TXNDC17: variants seen among roughly 807,000 people sequenced by gnomAD.
The protein encoded by TXNDC17 is thioredoxin domain containing 17.
TXNDC17 carries 12 observed loss-of-function variants against 16.3 expected under a neutral mutation model. The ratio of observed to expected loss-of-function variants is 0.74; its 90% CI spans 0.47 to 1.19. The LOEUF (loss-of-function observed/expected upper bound fraction) is 1.19, where lower values mean the gene tolerates loss of function less well. Ranked by LOEUF, TXNDC17 falls within the 50% of genes most tolerant of loss-of-function variation. TXNDC17 has a pLI of 0.00. For synonymous variants in TXNDC17, 62 were observed against 55.0 expected (o/e 1.13, Z -0.56); for missense variants, 158 against 149.7 (o/e 1.06, Z -0.29).
intron 1 of TXNDC17, 127 bp downstream of exon 1, chr17:6,641,354 C>T (rs1972660044): frequency 2.2e-6 from 3 of 1,352,370 alleles, no homozygotes; most frequent in Non-Finnish European, 2.0e-6. Context: ...CTGAGCTGTC[C>T]CCAAGTCTCC....
Position 6,644,269 on chromosome 17 carries a change from AC to A in TXNDC17, c.*1251del. On this transcript the variant is annotated 3_prime_UTR_variant, in exon 4 of 4. Coordinates refer to ENST00000250101, the MANE Select transcript of TXNDC17 (RefSeq NM_032731.4). ...AAAAAGAAAAACACCTTACAAATCC[AC>A]AGGGAAATCAAAGAACAATTCAGGT... 1.7e-6 allele frequency: 1 copy of A among 593,574 alleles called. No individual in the cohort carries two copies. Among genetic ancestry groups the A allele is most frequent in the Non-Finnish European group, 2.6e-6 (1 of 378,362 alleles). 36.8% of individuals were successfully genotyped at this position (593,574 alleles called of 1,614,324 possible). A position where few individuals can be genotyped will look rare whatever the true frequency, so the allele number is the denominator to read the frequency against.
chr17:6,644,521 G>T lies in TXNDC17; in HGVS notation c.*1502G>T. The T allele has an allele frequency of 6.2e-7, 1 of 1,611,442 alleles. No individual in the cohort carries two copies. The highest frequency in any genetic ancestry group is 8.5e-7 in the Non-Finnish European group (1 of 1,179,362). ...GCTGCTCTGCCAAGGCTTGCTGAAG[G>T]CGCATCCGCTTCCGGGAATAGTGCT... On this transcript the variant is annotated 3_prime_UTR_variant, in exon 4 of 4. Coordinates refer to ENST00000250101, the MANE Select transcript of TXNDC17 (RefSeq NM_032731.4).
At chr17:6,641,591 T>C (rs1477321031) in intron 1 of TXNDC17, 162 bp from the exon 2 acceptor site, 13 of 740,080 alleles carry the variant, frequency 1.8e-5, no homozygotes, top group Non-Finnish European at 3.0e-5. Context: ...AACGTGGCTC[T>C]AAGACCAGAA....
chr17:6,642,973 AGT>A lies in TXNDC17; in HGVS notation c.329_330del (p.Cys110SerfsTer12), dbSNP rs1972714760. The A allele has an allele frequency of 6.2e-7, 1 of 1,613,888 alleles. No homozygotes were observed. The highest frequency in any genetic ancestry group is 8.5e-7 in the Non-Finnish European group (1 of 1,179,898). ...CAGCCTCAAAAACTGGTAGAATCTG[AGT>A]GTCTTCAGGCCAACCTGGTGGAAAT... On this transcript the variant is annotated frameshift_variant, in exon 4 of 4. Transcript: ENST00000250101. LOFTEE classifies it high-confidence loss of function.
chr17:6,641,584 G>T (rs1488194998), intron 1 of TXNDC17, 169 bp from the exon 2 acceptor site: 30 of 708,764 alleles, frequency 4.2e-5, no homozygotes, highest in Admixed American at 7.3e-5. Context: ...TACCCTTAAC[G>T]TGGCTCTAAG....
chr17:6,643,304 T>C lies in TXNDC17; in HGVS notation c.*285T>C, dbSNP rs563232527. On this transcript the variant is annotated 3_prime_UTR_variant, in exon 4 of 4. Transcript: ENST00000250101. ...AACTCCTAAAGGTGCAGAGCACACC[T>C]TCCAAATCTCTCAAAAGATCAGTAT... 1.1e-5 allele frequency: 3 copies of C among 273,420 alleles called. No individual in the cohort carries two copies. In the South Asian group the frequency reaches 2.2e-4, roughly 20 times the overall value. The allele number at this position is 273,420 out of a possible 1,614,324, so 16.9% of individuals were successfully genotyped here.
rs759023557 is a variant in TXNDC17 at position 6,644,353 on chromosome 17, C to T, written c.*1334C>T. On this transcript the variant is annotated 3_prime_UTR_variant, in exon 4 of 4. Coordinates refer to ENST00000250101, the MANE Select transcript of TXNDC17 (RefSeq NM_032731.4). The stretch of plus-strand genomic sequence containing the variant: ...TGGATGAAAAAGCACACTAAAGGTT[C>T]TAGGGGCTACCATAATAAAGGTAGA... 1 of 1,275,498 alleles carries T rather than the reference C, an allele frequency of 7.8e-7. No individual in the cohort carries two copies. 79.0% of individuals were successfully genotyped at this position (1,275,498 alleles called of 1,614,324 possible).
intron 3 of TXNDC17, 52 bp from the exon 4 acceptor site, chr17:6,642,899 C>T (rs1415693895): frequency 1.4e-6 from 2 of 1,383,946 alleles, no homozygotes; most frequent in Non-Finnish European, 2.1e-6. Context: ...TCATTCCACT[C>T]CTAATAACGT....
At position 6,644,154 on chromosome 17, in the gene TXNDC17, G is replaced by T; in HGVS notation, c.*1135G>T. The T allele has an allele frequency of 2.3e-6, 1 of 427,334 alleles. No homozygotes were observed. The highest frequency in any genetic ancestry group is 4.1e-6 in the Non-Finnish European group (1 of 242,660). 26.5% of individuals were successfully genotyped at this position (427,334 alleles called of 1,614,324 possible). A position where few individuals can be genotyped will look rare whatever the true frequency, so the allele number is the denominator to read the frequency against. On this transcript the variant is annotated 3_prime_UTR_variant, in exon 4 of 4. Coordinates refer to ENST00000250101, the MANE Select transcript of TXNDC17 (RefSeq NM_032731.4). ...AGCCTTAGAATTCAGTATACTTGGT[G>T]GCCCACCCCTACCCCATGCCCCAGT...
At chr17:6,641,666 G>A (rs1972671735) in intron 1 of TXNDC17, 87 bp from the exon 2 acceptor site, 1 of 1,317,022 alleles carries the variant, frequency 7.6e-7, no homozygotes, top group African/African-American at 1.5e-5. Context: ...TGCTTACCAA[G>A]ACTGGGGGAA....
Position 6,644,188 on chromosome 17 carries a change from T to C in TXNDC17, c.*1169T>C, listed in dbSNP as rs868204492. 1.1e-4 allele frequency: 49 copies of C among 463,182 alleles called. 1 individual carries two copies. The highest frequency in any genetic ancestry group is 5.7e-4 in the South Asian group (11 of 19,164). 28.7% of individuals were successfully genotyped at this position (463,182 alleles called of 1,614,324 possible). On this transcript the variant is annotated 3_prime_UTR_variant, in exon 4 of 4. Transcript: ENST00000250101. ...CTACCCCATGCCCCAGTGCCTTATT[T>C]GGTCTAAAGCACCTAACTTTTCCAT... is the stretch of plus-strand genomic sequence containing the variant.
In TXNDC17 at chr17:6,641,080, C is replaced by T; in HGVS notation, c.-3C>T. ...CCTCCAGTAGCGGCTGCACGTCGTG[C>T]CAATGGCCCGCTATGAGGAGGTGAG... On this transcript the variant is annotated 5_prime_UTR_variant, in exon 1 of 4. Coordinates refer to ENST00000250101, the MANE Select transcript of TXNDC17 (RefSeq NM_032731.4). 3 of 1,612,150 alleles carry T rather than the reference C, an allele frequency of 1.9e-6. No homozygotes were observed. Among genetic ancestry groups the T allele is most frequent in the Non-Finnish European group, 8.5e-7 (1 of 1,179,608 alleles).
Position 6,643,067 on chromosome 17 carries a change from T to TA in TXNDC17, c.*48_*49insA. Reference sequence around the variant, plus strand: ...CTTGATGTCCTGATTTGTTCTAGTATCAATAAACTGTATACTTGCTTTGAA... The same window carrying TA: ...CTTGATGTCCTGATTTGTTCTAGTATACAATAAACTGTATACTTGCTTTGAA... On this transcript the variant is annotated 3_prime_UTR_variant, in exon 4 of 4. Coordinates refer to ENST00000250101, the MANE Select transcript of TXNDC17 (RefSeq NM_032731.4). 6.7e-7 allele frequency: 1 copy of TA among 1,487,462 alleles called. No individual in the cohort carries two copies. The highest frequency in any genetic ancestry group is 9.4e-7 in the Non-Finnish European group (1 of 1,066,158). The allele number at this position is 1,487,462 out of a possible 1,614,324, so 92.1% of individuals were successfully genotyped here.
chr17:6,641,366 T>C (rs1422240434), intron 1 of TXNDC17, 139 bp downstream of exon 1: 35 of 1,262,122 alleles, frequency 2.8e-5, no homozygotes, highest in African/African-American at 9.0e-5. Context: ...CAAGTCTCCT[T>C]CTATTAAATC....
intron 1 of TXNDC17, 84 bp from the exon 2 acceptor site, chr17:6,641,669 T>G: frequency 7.4e-7 from 1 of 1,342,898 alleles, no homozygotes; most frequent in South Asian, 1.2e-5. Context: ...TTACCAAGAC[T>G]GGGGGAAGGG....
At chr17:6,642,419 C>A in intron 3 of TXNDC17, 95 bp downstream of exon 3, 1 of 872,780 alleles carries the variant, frequency 1.1e-6, no homozygotes, top group Non-Finnish European at 1.8e-6. Flanking sequence ...GACATTTCAT[C>A]TCAATTCCAT....
chr17:6,641,148 C>T lies in TXNDC17; in HGVS notation c.66C>T (p.His22=), dbSNP rs1404547007. ...FEEFHRAVEQ[H]NGKTIFAYFT... ...AGTTCCACCGGGCCGTGGAACAGCACAATGGCAAGACCATTTTCGCCTACT... is the reference window on the plus strand; with the variant it reads ...AGTTCCACCGGGCCGTGGAACAGCATAATGGCAAGACCATTTTCGCCTACT... Residue 22 remains histidine (H), a synonymous_variant, in exon 1 of 4, where the codon CAC becomes CAT. Coordinates refer to ENST00000250101, the MANE Select transcript of TXNDC17 (RefSeq NM_032731.4). The T allele has an allele frequency of 2.5e-6, 4 of 1,613,844 alleles. No individual in the cohort carries two copies. The highest frequency in any genetic ancestry group is 2.5e-6 in the Non-Finnish European group (3 of 1,180,034).
At chr17:6,641,859 T>G (rs1336420047) in intron 2 of TXNDC17, 25 bp downstream of exon 2, 1 of 1,607,112 alleles carries the variant, frequency 6.2e-7, no homozygotes, top group African/African-American at 1.3e-5. Flanking sequence ...ATAATCTACC[T>G]CGCAGACGTG....
chr17:6,644,237 A>G lies in TXNDC17; in HGVS notation c.*1218A>G. On this transcript the variant is annotated 3_prime_UTR_variant, in exon 4 of 4. Coordinates refer to ENST00000250101, the MANE Select transcript of TXNDC17 (RefSeq NM_032731.4). ...ATTCTTAATCAGCTGATTATGCTAA[A>G]TGCGTAAAAAAGAAAAACACCTTAC... 1 of 534,408 alleles carries G rather than the reference A, an allele frequency of 1.9e-6. No homozygotes were observed. Among genetic ancestry groups the G allele is most frequent in the Middle Eastern group, 5.1e-4 (1 of 1,976 alleles). The allele number at this position is 534,408 out of a possible 1,614,324, so 33.1% of individuals were successfully genotyped here. A position where few individuals can be genotyped will look rare whatever the true frequency, so the allele number is the denominator to read the frequency against.
Sources: gnomAD v4.1 joint callset for allele counts on GRCh38, gnomAD v4.1.1 for gene constraint, MANE v1.5 for transcripts, NCBI Gene and HGNC (gene_info 2026-07-23, HGNC 2026-07-21) for gene names.